TNFRSF1B: variants seen among roughly 807,000 people sequenced by gnomAD.
TNFRSF1B encodes the protein TNF receptor superfamily member 1B, also known as tumor necrosis factor receptor superfamily member 1B.
In TNFRSF1B, 19 loss-of-function variants were observed where a neutral mutation model predicts 44.6. That is an observed-to-expected ratio of 0.43 (90% CI 0.30 to 0.62). TNFRSF1B has a LOEUF of 0.62. TNFRSF1B is among the 20% of genes least tolerant of loss of function. The pLI is 0.16. For missense variants in TNFRSF1B, 541 were observed against 619.9 expected, an observed-to-expected ratio of 0.87 and a Z score of 1.35; for synonymous variants, 252 against 261.1, an observed-to-expected ratio of 0.97 and a Z score of 0.34.
rs1262753688 is a variant in TNFRSF1B, at chr1:12,188,855, T to C, written c.138T>C (p.Tyr46=). The C allele has an allele frequency of 5.0e-6, 8 of 1,613,718 alleles. No individual in the cohort carries two copies. The African/African-American group carries it at 8.0e-5, about 16-fold the overall frequency. The stretch of plus-strand genomic sequence containing the variant: ...GCACATGCCGGCTCAGAGAATACTA[T>C]GACCAGACAGCTCAGATGTGCTGCA... ...PGSTCRLREY[Y]DQTAQMCCSK... is the part of the protein sequence containing the mutation. The change falls in exon 2 of 10, where the codon TAT becomes TAC. Residue 46 remains tyrosine, a synonymous_variant. Coordinates refer to ENST00000376259, the MANE Select transcript of TNFRSF1B (RefSeq NM_001066.3).
intron 9 of TNFRSF1B, among the ~76,000 whole-genome samples, chr1:12,205,682 C>T (rs559034164): frequency 4.6e-5 from 7 of 152,260 alleles, no homozygotes; most frequent in Admixed American, 1.3e-4. Flanking sequence ...AGTGAAGTGA[C>T]GTGATTTCGG....
chr1:12,192,401 T>C (rs760544693), intron 4 of TNFRSF1B, 30 bp from the exon 5 acceptor site: 10 of 1,610,154 alleles, frequency 6.2e-6, no homozygotes, highest in Non-Finnish European at 8.5e-6. Context: ...AGTGTCTGAG[T>C]GGTTGACAAG....
chr1:12,190,736 G>A (rs1249957077), intron 2 of TNFRSF1B, among the ~76,000 whole-genome samples: 2 of 152,002 alleles, frequency 1.3e-5, no homozygotes, highest in Non-Finnish European at 2.9e-5. Flanking sequence ...TCAAGCATCT[G>A]GAAAGAGCAG....
chr1:12,194,665 C>T (rs1639227278), intron 8 of TNFRSF1B, 47 bp downstream of exon 8: 5 of 1,609,934 alleles, frequency 3.1e-6, no homozygotes, highest in Non-Finnish European at 4.3e-6. Flanking sequence ...GGTCTCCTTC[C>T]CGGCGTGCTG....
chr1:12,179,478 G>A (rs1172843627), intron 1 of TNFRSF1B, among the ~76,000 whole-genome samples: 1 of 152,236 alleles, frequency 6.6e-6, no homozygotes, highest in Admixed American at 6.5e-5. Context: ...TTTCCGCATT[G>A]CTTGAAGAGG....
In TNFRSF1B at chr1:12,201,973, T is replaced by A; in HGVS notation, c.907T>A (p.Leu303Met). ...CCACCCCCTGCCCATCCAGCCTCACTTGCCTGCCGATAAGGCCCGGGGTAC... is the reference window on the plus strand; with the variant it reads ...CCACCCCCTGCCCATCCAGCCTCACATGCCTGCCGATAAGGCCCGGGGTAC... The part of the protein sequence containing the change: ...CLQREAKVPH[L>M]PADKARGTQG... Residue 303 changes from leucine (L) to methionine (M), a missense_variant, in exon 9 of 10, where the codon TTG becomes ATG. Leu to Met is a conservative substitution (Grantham distance 15). Transcript: ENST00000376259. 1 of 1,609,014 alleles carries A rather than the reference T, an allele frequency of 6.2e-7. No individual in the cohort carries two copies. Among genetic ancestry groups the A allele is most frequent in the Non-Finnish European group, 8.5e-7 (1 of 1,177,448 alleles).
rs910103004 is a variant in TNFRSF1B, at chr1:12,187,667, A to T, written c.79-1129A>T. Among the ~76,000 whole-genome samples the T allele has an allele frequency of 6.6e-6, 1 of 152,108 alleles. No homozygotes were observed. Among genetic ancestry groups the T allele is most frequent in the Non-Finnish European group, 1.5e-5 (1 of 68,014 alleles). On this transcript the variant is annotated intron_variant, in intron 1 of 9. Transcript: ENST00000376259. The surrounding 1 kb of genome is among the most constrained non-coding windows in gnomAD (Gnocchi z 5.5). ...CAGTAGGGAAACCGTCTCCATCTTC[A>T]TTGGGTGGTTGGGAAGTCTTGCTGA...
At chr1:12,198,121 CAAA>C (rs5772486) in intron 8 of TNFRSF1B, among the ~76,000 whole-genome samples, 9 of 98,756 alleles carry the variant, frequency 9.1e-5, no homozygotes, top group Admixed American at 1.1e-4. Context: ...GACTCCATCT[CAAA>C]AAAAAAAAAA....
intron 8 of TNFRSF1B, among the ~76,000 whole-genome samples, chr1:12,198,000 C>A (rs772493677): frequency 6.6e-6 from 1 of 152,012 alleles, no homozygotes; most frequent in Non-Finnish European, 1.5e-5. Flanking sequence ...TGGCGGGCGC[C>A]CGTAGTCCCA....
chr1:12,192,914 G>A lies in TNFRSF1B; in HGVS notation c.603G>A (p.Thr201=), dbSNP rs1639180617. The A allele has an allele frequency of 1.3e-5, 21 of 1,614,108 alleles. No individual in the cohort carries two copies. Among genetic ancestry groups the A allele is most frequent in the Non-Finnish European group, 1.8e-5 (21 of 1,180,012 alleles). The change falls in exon 6 of 10, where the codon ACG becomes ACA. Residue 201 remains threonine, a synonymous_variant. Coordinates refer to ENST00000376259, the MANE Select transcript of TNFRSF1B (RefSeq NM_001066.3). ...ATGCAAGCATGGATGCAGTCTGCAC[G>A]TCCACGTCCCCCACCCGGAGTATGG... is the stretch of plus-strand genomic sequence containing the variant. ...PGNASMDAVC[T]STSPTRSMAP... is the part of the protein sequence containing the mutation.
chr1:12,202,411 G>A (rs1379655596), intron 9 of TNFRSF1B, among the ~76,000 whole-genome samples: 1 of 152,164 alleles, frequency 6.6e-6, no homozygotes, highest in African/African-American at 2.4e-5. Flanking sequence ...CCTGGTATCT[G>A]GGGGAGGAGT....
intron 8 of TNFRSF1B, among the ~76,000 whole-genome samples, chr1:12,196,619 G>A (rs547456171): frequency 6.6e-6 from 1 of 152,362 alleles, no homozygotes; most frequent in African/African-American, 2.4e-5. Flanking sequence ...GATGCAGGGA[G>A]GAAAACTGAG....
intron 1 of TNFRSF1B, among the ~76,000 whole-genome samples, chr1:12,184,815 C>G (rs2101096067): frequency 6.6e-6 from 1 of 152,326 alleles, no homozygotes; most frequent in South Asian, 2.1e-4. Flanking sequence ...GTGAGGGGCT[C>G]CCCTGGTTAC....
At chr1:12,174,677 G>A (rs1270195604) in intron 1 of TNFRSF1B, among the ~76,000 whole-genome samples, 2 of 152,370 alleles carry the variant, frequency 1.3e-5, no homozygotes, top group Admixed American at 1.3e-4. Context: ...AGTATTGGGT[G>A]TTTGGAGGGG....
chr1:12,178,579 C>T lies in TNFRSF1B; in HGVS notation c.79-10217C>T, dbSNP rs1005490581. Among the ~76,000 whole-genome samples the T allele has an allele frequency of 6.6e-6, 1 of 152,076 alleles. No homozygotes were observed. Among genetic ancestry groups the T allele is most frequent in the Non-Finnish European group, 1.5e-5 (1 of 67,986 alleles). On this transcript the variant is annotated intron_variant, in intron 1 of 9. Transcript: ENST00000376259. This position sits in a 1 kb window ranked among gnomAD's most constrained non-coding sequence, Gnocchi z 4.3. ...CGGGTGTGGGCAGTATAGAGATGCA[C>T]CCGGGTTGTCACAGGAGCCCCTAGG...
chr1:12,200,240 G>A (rs1476628661), intron 8 of TNFRSF1B, among the ~76,000 whole-genome samples: 1 of 152,144 alleles, frequency 6.6e-6, no homozygotes, highest in East Asian at 1.9e-4. Context: ...ATGGCATTGG[G>A]TGGCACTCAA....
chr1:12,203,854 C>T (rs1639444722), intron 9 of TNFRSF1B, among the ~76,000 whole-genome samples: 2 of 152,176 alleles, frequency 1.3e-5, no homozygotes, highest in Non-Finnish European at 1.5e-5. Context: ...CTCAGCTTCC[C>T]GAGTAGGCGG....
intron 9 of TNFRSF1B, among the ~76,000 whole-genome samples, chr1:12,204,238 C>T (rs919399811): frequency 2.6e-5 from 4 of 152,174 alleles, no homozygotes; most frequent in African/African-American, 9.7e-5. Context: ...ACCTGTAAAC[C>T]CCAGGGTTGT....
rs1226999725 is a variant in TNFRSF1B at position 12,180,866 on chromosome 1, G to A, written c.79-7930G>A. Among the ~76,000 whole-genome samples the A allele has an allele frequency of 6.6e-6, 1 of 152,182 alleles. No homozygotes were observed. The highest frequency in any genetic ancestry group is 1.5e-5 in the Non-Finnish European group (1 of 68,032). ...CTGGCTGGGCTGCTCACAGACCCCG[G>A]CCCCTGGGTTTTGTCCACTCACCCA... On this transcript the variant is annotated intron_variant, in intron 1 of 9. Transcript: ENST00000376259. The surrounding 1 kb of genome is among the most constrained non-coding windows in gnomAD (Gnocchi z 4.3).
Sources: allele counts gnomAD v4.1 joint callset (sites outside exome capture counted in the v4.1 genomes callset), GRCh38; gene constraint gnomAD v4.1.1; non-coding constraint Gnocchi (gnomAD v3.1); transcripts MANE v1.5; gene names NCBI Gene and HGNC (gene_info 2026-07-23, HGNC 2026-07-21).